Variants in SORCS2 observed in about 807,000 individuals in gnomAD.
The protein encoded by SORCS2 is VPS10 domain-containing receptor SorCS2.
SORCS2 carries 100 observed loss-of-function variants against 141.6 expected under a neutral mutation model. The observed-to-expected ratio is 0.71, with a 90% CI of 0.60 to 0.83. The LOEUF is 0.83. SORCS2 is among the 40% of genes least tolerant of loss of function. The probability of loss-of-function intolerance (pLI) is 0.00; values close to 1 mark genes in which losing one functional copy is unlikely to be tolerated. For synonymous variants in SORCS2, 789 were observed against 676.9 expected, an observed-to-expected ratio of 1.17 and a Z score of -2.57; for missense variants, 1,646 against 1,560.2, an observed-to-expected ratio of 1.05 and a Z score of -0.93.
At chr4:7,713,211 G>A (rs1053127552) in intron 15 of SORCS2, among the ~76,000 whole-genome samples, 2 of 152,174 alleles carry the variant, frequency 1.3e-5, no homozygotes, top group South Asian at 2.1e-4. Flanking sequence ...GTCTGGGTGT[G>A]GAGTGGGGTC....
At chr4:7,662,236 C>T (rs1188191847) in intron 6 of SORCS2, among the ~76,000 whole-genome samples, 4 of 148,944 alleles carry the variant, frequency 2.7e-5, no homozygotes, top group African/African-American at 9.9e-5. Context: ...CCCCCCCTCC[C>T]CCACCCCCAC....
At chr4:7,421,598 T>C (rs894266423) in intron 2 of SORCS2, among the ~76,000 whole-genome samples, 1 of 148,522 alleles carries the variant, frequency 6.7e-6, no homozygotes, top group Non-Finnish European at 1.5e-5. Context: ...GTGTGGGGGG[T>C]GAGGTTCTTG....
intron 2 of SORCS2, among the ~76,000 whole-genome samples, chr4:7,455,171 CTG>C (rs66637290): frequency 5.0e-5 from 1 of 20,052 alleles, no homozygotes; most frequent in African/African-American, 1.8e-4. Flanking sequence ...GGGTCAGGTG[CTG>C]TGTGTTGGGG....
intron 2 of SORCS2, among the ~76,000 whole-genome samples, chr4:7,519,461 G>A (rs988664498): frequency 2.6e-5 from 4 of 152,186 alleles, no homozygotes; most frequent in East Asian, 1.9e-4. Flanking sequence ...AGTTCACGTC[G>A]TGAGTCTCAG....
chr4:7,359,261 A>G (rs533139376), intron 1 of SORCS2, among the ~76,000 whole-genome samples: 51 of 152,228 alleles, frequency 3.4e-4, no homozygotes, highest in African/African-American at 1.2e-3. Context: ...GCGCCACTGC[A>G]TTCCAGCCTG....
At chr4:7,697,932 T>C (rs1724816663) in intron 12 of SORCS2, among the ~76,000 whole-genome samples, 1 of 152,092 alleles carries the variant, frequency 6.6e-6, no homozygotes, top group African/African-American at 2.4e-5. Flanking sequence ...CCCTCTGTGC[T>C]CCATGCAGCC....
intron 1 of SORCS2, among the ~76,000 whole-genome samples, chr4:7,273,559 G>A (rs116101084): frequency 1.2e-3 from 181 of 152,304 alleles, no homozygotes; most frequent in African/African-American, 4.2e-3. Flanking sequence ...GGGGGTGGAC[G>A]TCCAGGGGTA....
At chr4:7,559,074 A>G (rs1308214238) in intron 3 of SORCS2, among the ~76,000 whole-genome samples, 1 of 152,100 alleles carries the variant, frequency 6.6e-6, no homozygotes, top group Non-Finnish European at 1.5e-5. Flanking sequence ...TTGGGGGATG[A>G]GTCCCCAGTA....
At chr4:7,640,082 C>G (rs1007272755) in intron 4 of SORCS2, among the ~76,000 whole-genome samples, 1 of 149,966 alleles carries the variant, frequency 6.7e-6, no homozygotes, top group Non-Finnish European at 1.5e-5. Flanking sequence ...TGTGAAACAG[C>G]ATGTCAGTGT....
At chr4:7,460,619 G>A (rs1276470550) in intron 2 of SORCS2, among the ~76,000 whole-genome samples, 6 of 152,170 alleles carry the variant, frequency 3.9e-5, no homozygotes, top group African/African-American at 4.8e-5. Flanking sequence ...CAGGCATGTC[G>A]GAATTGCATG....
chr4:7,716,642 C>T (rs989955149), intron 17 of SORCS2, among the ~76,000 whole-genome samples: 12 of 151,858 alleles, frequency 7.9e-5, no homozygotes, highest in African/African-American at 2.7e-4. Flanking sequence ...TCCATCTACC[C>T]ATCCATCTAT....
At chr4:7,414,740 T>C (rs1725549620) in intron 2 of SORCS2, among the ~76,000 whole-genome samples, 1 of 152,230 alleles carries the variant, frequency 6.6e-6, no homozygotes, top group African/African-American at 2.4e-5. Context: ...GGTGCAAGGT[T>C]CTAAATCTTT....
chr4:7,660,089 A>G (rs1722055405), intron 5 of SORCS2, among the ~76,000 whole-genome samples: 1 of 152,332 alleles, frequency 6.6e-6, no homozygotes. Flanking sequence ...CGTTCCCTGT[A>G]CCTGAGCACC....
chr4:7,552,348 C>G (rs1713775605), intron 3 of SORCS2, among the ~76,000 whole-genome samples: 1 of 152,094 alleles, frequency 6.6e-6, no homozygotes, highest in African/African-American at 2.4e-5. Context: ...CCTGGGGCAC[C>G]AGCACTTTCA....
intron 1 of SORCS2, among the ~76,000 whole-genome samples, chr4:7,376,889 C>A (rs920061892): frequency 5.3e-5 from 8 of 152,192 alleles, no homozygotes; most frequent in Admixed American, 5.2e-4. Context: ...CAGGGTCATT[C>A]CTGACCCCCA....
In SORCS2 at chr4:7,428,653, G is replaced by A. The variant is rs1172843603; in HGVS notation, c.548+32298G>A. On this transcript the variant is annotated intron_variant, in intron 2 of 26. Transcript: ENST00000507866. Reference sequence around the variant, plus strand: ...AGGAGCATGTCTAGGGCCAAACAAAGGCCCTGGGGTGGGCCTGGGGTGTGT... The same window carrying A: ...AGGAGCATGTCTAGGGCCAAACAAAAGCCCTGGGGTGGGCCTGGGGTGTGT... 5.9e-5 allele frequency among the ~76,000 whole-genome samples: 9 copies of A among 152,318 alleles called. No homozygotes were observed. In the South Asian group the frequency reaches 1.9e-3, roughly 32 times the overall value.
intron 4 of SORCS2, among the ~76,000 whole-genome samples, chr4:7,650,088 A>G (rs908826626): frequency 3.3e-5 from 5 of 152,190 alleles, no homozygotes; most frequent in African/African-American, 1.2e-4. Context: ...GCTGTGGTCA[A>G]ATGATTCATT....
chr4:7,512,319 A>G (rs185606322), intron 2 of SORCS2, among the ~76,000 whole-genome samples: 11 of 145,666 alleles, frequency 7.6e-5, no homozygotes, highest in Admixed American at 5.6e-4. Flanking sequence ...GAGTTTGATC[A>G]ATGGTTGGAA....
intron 4 of SORCS2, among the ~76,000 whole-genome samples, chr4:7,647,611 G>C (rs1721162688): frequency 6.6e-6 from 1 of 152,220 alleles, no homozygotes; most frequent in Admixed American, 6.5e-5. Context: ...TAGTTTTCAA[G>C]GCGAGTTCAG....
Sources: allele counts gnomAD v4.1 joint callset (sites outside exome capture counted in the v4.1 genomes callset), GRCh38; gene constraint gnomAD v4.1.1; transcripts MANE v1.5; gene names NCBI Gene and HGNC (gene_info 2026-07-23, HGNC 2026-07-21).